The following SH3PXD2A variants were observed in gnomAD, a reference collection of about 807,000 sequenced individuals.
SH3PXD2A encodes the protein SH3 and PX domains 2A.
Under a neutral mutation model 115.2 loss-of-function variants are expected in SH3PXD2A, and 32 were observed. The observed-to-expected ratio is 0.28, with a 90% CI of 0.21 to 0.37. The LOEUF is 0.37. Among genes scored for constraint, SH3PXD2A ranks in the 10% least tolerant of loss-of-function variants. The probability of loss-of-function intolerance (pLI) is 1.00; values close to 1 mark genes in which losing one functional copy is unlikely to be tolerated. For missense variants in SH3PXD2A, 1,328 were observed against 1,498.7 expected, an observed-to-expected ratio of 0.89 and a Z score of 1.88; for synonymous variants, 610 against 629.1, an observed-to-expected ratio of 0.97 and a Z score of 0.45.
intron 8 of SH3PXD2A, among the ~76,000 whole-genome samples, chr10:103,651,242 C>T (rs1163689979): frequency 6.6e-6 from 1 of 152,186 alleles, no homozygotes; most frequent in East Asian, 1.9e-4. Context: ...GTGCTGCCCA[C>T]CAGGTAAGCA....
In SH3PXD2A at chr10:103,611,916, C is replaced by T. The variant is rs778310292; in HGVS notation, c.1259-286G>A. 6.6e-5 allele frequency among the ~76,000 whole-genome samples: 10 copies of T among 152,078 alleles called. No homozygotes were observed. In the South Asian group the frequency reaches 8.3e-4, roughly 13 times the overall value. On this transcript the variant is annotated intron_variant, in intron 12 of 14. Transcript: ENST00000369774. ...GCTATGTGGGCATTTTTCAGGGTAA[C>T]GGGTGTATAGATTTATCAGGTTTTC...
At chr10:103,847,382 C>T (rs1010242053) in intron 1 of SH3PXD2A, among the ~76,000 whole-genome samples, 3 of 151,876 alleles carry the variant, frequency 2.0e-5, no homozygotes, top group Admixed American at 6.6e-5. Flanking sequence ...GGTGTGATCA[C>T]GGTTTACTGC....
intron 6 of SH3PXD2A, among the ~76,000 whole-genome samples, chr10:103,691,427 AGG>A (rs913541333): frequency 6.6e-6 from 1 of 152,134 alleles, no homozygotes; most frequent in Non-Finnish European, 1.5e-5. Context: ...AGGTTCAACC[AGG>A]ACACTATACG....
At chr10:103,827,827 C>A (rs963444972) in intron 1 of SH3PXD2A, among the ~76,000 whole-genome samples, 2 of 152,242 alleles carry the variant, frequency 1.3e-5, no homozygotes, top group Non-Finnish European at 2.9e-5. Flanking sequence ...TGAATTCCGG[C>A]TCTGCCACAC....
rs942926482 is a variant in SH3PXD2A at position 103,615,511 on chromosome 10, T to C, written c.920+1686A>G. On this transcript the variant is annotated intron_variant, in intron 11 of 14. Transcript: ENST00000369774. ...GTGTGTGTGTGTGTGTGTGTGTGTG[T>C]GTGTGTGTGTGTGTGTGTGTAGGGG... 5.1e-5 allele frequency among the ~76,000 whole-genome samples: 6 copies of C among 118,052 alleles called. No homozygotes were observed. In the East Asian group the frequency reaches 9.6e-4, roughly 19 times the overall value. The allele number at this position is 118,052 out of a possible 152,430, so 77.4% of individuals were successfully genotyped here. A position where few individuals can be genotyped will look rare whatever the true frequency, so the allele number is the denominator to read the frequency against.
intron 4 of SH3PXD2A, among the ~76,000 whole-genome samples, chr10:103,726,319 A>G (rs1389189): frequency 0.33 from 49,938 of 151,940 alleles, 9,636 homozygotes; most frequent in African/African-American, 0.53. Context: ...CAAGTACAGT[A>G]AGTCTGTGAG....
At chr10:103,711,779 G>A (rs1278480472) in intron 5 of SH3PXD2A, among the ~76,000 whole-genome samples, 2 of 152,208 alleles carry the variant, frequency 1.3e-5, no homozygotes, top group African/African-American at 4.8e-5. Flanking sequence ...TGGTGGCCAG[G>A]CATGGCAGCT....
intron 4 of SH3PXD2A, among the ~76,000 whole-genome samples, chr10:103,727,018 C>T (rs1253548220): frequency 6.6e-6 from 1 of 152,260 alleles, no homozygotes; most frequent in Non-Finnish European, 1.5e-5. Flanking sequence ...TATCCTTGGC[C>T]CCTTGACTCC....
chr10:103,697,060 A>G (rs1483265604), intron 5 of SH3PXD2A, among the ~76,000 whole-genome samples: 1 of 151,010 alleles, frequency 6.6e-6, no homozygotes, highest in African/African-American at 2.4e-5. Context: ...GCCCCTCCCC[A>G]TAGGATGATG....
chr10:103,785,563 GAGCAATGGCTGGCCATC>G (rs995752932), intron 2 of SH3PXD2A, among the ~76,000 whole-genome samples: 4 of 152,176 alleles, frequency 2.6e-5, no homozygotes, highest in African/African-American at 9.7e-5. Context: ...GAGGGGGACA[GAGCAATGGCTGGCCATC>G]ACGGCTGCCC....
chr10:103,829,721 G>T (rs1187544719), intron 1 of SH3PXD2A, among the ~76,000 whole-genome samples: 1 of 152,348 alleles, frequency 6.6e-6, no homozygotes, highest in Admixed American at 6.5e-5. Context: ...CTATGCTTAA[G>T]CCTTGCTGGA....
At chr10:103,624,720 T>C (rs2036664688) in intron 9 of SH3PXD2A, among the ~76,000 whole-genome samples, 1 of 152,196 alleles carries the variant, frequency 6.6e-6, no homozygotes, top group Non-Finnish European at 1.5e-5. Context: ...GCACCTATGA[T>C]GGGATGGCCA....
intron 2 of SH3PXD2A, among the ~76,000 whole-genome samples, chr10:103,789,825 A>G (rs151209247): frequency 3.9e-4 from 60 of 152,280 alleles, no homozygotes; most frequent in South Asian, 1.5e-3. Flanking sequence ...GACACTGCAC[A>G]CCAGGAAAAC....
At chr10:103,742,060 G>C (rs1271341019) in intron 3 of SH3PXD2A, among the ~76,000 whole-genome samples, 1 of 152,196 alleles carries the variant, frequency 6.6e-6, no homozygotes, top group Non-Finnish European at 1.5e-5. Context: ...GAGGTAGGGG[G>C]ATCGCTTGAG....
At chr10:103,834,645 G>C (rs2039512808) in intron 1 of SH3PXD2A, among the ~76,000 whole-genome samples, 1 of 152,248 alleles carries the variant, frequency 6.6e-6, no homozygotes, top group Non-Finnish European at 1.5e-5. Context: ...CACTCAGGGA[G>C]CACAGTGGGG....
Position 103,790,193 on chromosome 10 carries a change from C to T in SH3PXD2A, c.153+11089G>A, listed in dbSNP as rs1036446131. ...TTTTTGAGATGGAGTCTCGCTGTGT[C>T]GCCCAGGCTGGAGAGCAGTGGTGCG... On this transcript the variant is annotated intron_variant, in intron 2 of 14. Transcript: ENST00000369774. 9.2e-4 allele frequency among the ~76,000 whole-genome samples: 138 copies of T among 150,650 alleles called. 1 individual carries two copies. The highest frequency in any genetic ancestry group is 3.0e-3 in the African/African-American group (125 of 41,046).
At chr10:103,606,561 A>G (rs1454467332) in intron 13 of SH3PXD2A, among the ~76,000 whole-genome samples, 1 of 145,654 alleles carries the variant, frequency 6.9e-6, no homozygotes, top group Non-Finnish European at 1.5e-5. Context: ...GCTGGACTGT[A>G]CTGCTGCCAT....
At chr10:103,642,183 G>C (rs2036965921) in intron 8 of SH3PXD2A, among the ~76,000 whole-genome samples, 1 of 147,448 alleles carries the variant, frequency 6.8e-6, no homozygotes, top group Non-Finnish European at 1.5e-5. Context: ...AAAGAAATTT[G>C]CTAAGGAAAC....
intron 5 of SH3PXD2A, among the ~76,000 whole-genome samples, chr10:103,702,540 A>C (rs1015969845): frequency 5.3e-5 from 8 of 151,232 alleles, no homozygotes; most frequent in Non-Finnish European, 1.5e-5. Context: ...TTGGGGTGGA[A>C]GGGATGGTGT....
Sources: gnomAD v4.1 joint callset for allele counts (sites outside exome capture counted in the v4.1 genomes callset) on GRCh38, gnomAD v4.1.1 for gene constraint, MANE v1.5 for transcripts, NCBI Gene and HGNC (gene_info 2026-07-23, HGNC 2026-07-21) for gene names.